WDR49: variants seen among roughly 807,000 people sequenced by gnomAD.
WDR49 encodes the protein cilia- and flagella-associated protein 337.
Under a neutral mutation model 119.5 loss-of-function variants are expected in WDR49, and 107 were observed. The observed-to-expected ratio is 0.90, with a 90% CI of 0.77 to 1.05. The LOEUF (loss-of-function observed/expected upper bound fraction) is 1.05, where lower values mean the gene tolerates loss of function less well. WDR49 is among the 50% of genes least tolerant of loss of function. The pLI is 0.00. For synonymous variants in WDR49, 425 were observed against 418.8 expected (o/e 1.01, Z -0.18); for missense variants, 1,240 against 1,220.5 (o/e 1.02, Z -0.24).
intron 7 of WDR49, among the ~76,000 whole-genome samples, chr3:167,580,615 T>C (rs1447232570): frequency 1.3e-5 from 2 of 152,214 alleles, no homozygotes; most frequent in African/African-American, 2.4e-5. Flanking sequence ...ATCGCATAGC[T>C]TAGCTTTAAA....
chr3:167,568,570 T>G (rs1425528876), intron 8 of WDR49, among the ~76,000 whole-genome samples: 1 of 152,186 alleles, frequency 6.6e-6, no homozygotes, highest in Non-Finnish European at 1.5e-5. Context: ...CTGGATTCAT[T>G]TATATTGAAA....
At chr3:167,656,519 A>C (rs1414607515), upstream of WDR49, among the ~76,000 whole-genome samples, 3 of 152,204 alleles carry the variant, frequency 2.0e-5, no homozygotes, top group Non-Finnish European at 4.4e-5. Context: ...TAATTATTCT[A>C]AGACAGACAA....
At chr3:167,553,386 T>C (rs540269228) in intron 10 of WDR49, among the ~76,000 whole-genome samples, 1 of 152,184 alleles carries the variant, frequency 6.6e-6, no homozygotes, top group South Asian at 2.1e-4. Context: ...TAGATGTTCC[T>C]TTAAACCACT....
intron 18 of WDR49, among the ~76,000 whole-genome samples, chr3:167,479,877 G>A (rs6795546): frequency 0.011 from 1,670 of 152,090 alleles, 33 homozygotes; most frequent in African/African-American, 0.036. Flanking sequence ...CATGGAGGTG[G>A]GGAAGAATTG....
At chr3:167,571,229 G>C (rs1713919763) in intron 8 of WDR49, among the ~76,000 whole-genome samples, 2 of 152,104 alleles carry the variant, frequency 1.3e-5, no homozygotes, top group Admixed American at 6.6e-5. Context: ...ATTCAAATTT[G>C]CAAAGCCAGC....
chr3:167,620,350 G>A, intron 5 of WDR49, 79 bp downstream of exon 5: 2 of 1,376,914 alleles, frequency 1.5e-6, no homozygotes, highest in Non-Finnish European at 1.9e-6. Flanking sequence ...AAGGTTTTGT[G>A]TGAAGCATTT....
chr3:167,602,286 T>A lies in WDR49; in HGVS notation c.1127-11A>T, dbSNP rs1490065576. On this transcript the variant is annotated splice_polypyrimidine_tract_variant and intron_variant, in intron 6 of 18. Coordinates refer to ENST00000682715, the MANE Select transcript of WDR49 (RefSeq NM_001366157.1). ...TAATGCCAGCAGTTGCTAATCAGAA[T>A]TAGAAAGAAAAAAAATGTTTTTAAT... The A allele has an allele frequency of 3.9e-6, 6 of 1,546,422 alleles. No individual in the cohort carries two copies. The Admixed American group carries it at 5.6e-5, about 14-fold the overall frequency.
intron 8 of WDR49, among the ~76,000 whole-genome samples, chr3:167,572,568 G>GA (rs1713999163): frequency 2.0e-5 from 3 of 152,290 alleles, no homozygotes; most frequent in East Asian, 3.9e-4. Flanking sequence ...CACTTGGGAT[G>GA]AAAAATGGCA....
chr3:167,583,498 C>A (rs1261315609), intron 7 of WDR49, among the ~76,000 whole-genome samples: 1 of 151,930 alleles, frequency 6.6e-6, no homozygotes, highest in Non-Finnish European at 1.5e-5. Flanking sequence ...AGCTTGAGAC[C>A]AGCCTGGACA....
In WDR49 at chr3:167,620,045, A is replaced by G. The variant is rs561618377; in HGVS notation, c.958+384T>C. Among the ~76,000 whole-genome samples, 11 of 152,272 alleles carry G rather than the reference A, an allele frequency of 7.2e-5. No homozygotes were observed. In the South Asian group the frequency reaches 2.3e-3, roughly 32 times the overall value. On this transcript the variant is annotated intron_variant, in intron 5 of 18. Transcript: ENST00000682715. ...ACTAATATGCTTCCCATGAGAACAT[A>G]AGGAAAACAAAGGAATGGTTCTGAG...
At chr3:167,567,300 T>G (rs1237085441) in intron 8 of WDR49, among the ~76,000 whole-genome samples, 1 of 152,194 alleles carries the variant, frequency 6.6e-6, no homozygotes, top group African/African-American at 2.4e-5. Context: ...CTTCATCAAG[T>G]CATCTTCTGT....
chr3:167,517,946 C>T (rs1206514982), intron 16 of WDR49, among the ~76,000 whole-genome samples: 1 of 151,650 alleles, frequency 6.6e-6, no homozygotes, highest in Non-Finnish European at 1.5e-5. Flanking sequence ...CATGTGTTCT[C>T]ATTCTTCAAT....
intron 18 of WDR49, among the ~76,000 whole-genome samples, chr3:167,498,385 C>T (rs185352496): frequency 6.6e-6 from 1 of 151,912 alleles, no homozygotes; most frequent in African/African-American, 2.4e-5. Flanking sequence ...CAAAGAAGGG[C>T]CTGAGGGTTG....
chr3:167,518,615 T>C (rs1280924024), intron 16 of WDR49, among the ~76,000 whole-genome samples: 1 of 151,728 alleles, frequency 6.6e-6, no homozygotes, highest in Non-Finnish European at 1.5e-5. Flanking sequence ...TTTGAGTTCA[T>C]TGTAGATTCT....
chr3:167,531,540 T>C (rs1752853826), intron 12 of WDR49, among the ~76,000 whole-genome samples: 1 of 152,162 alleles, frequency 6.6e-6, no homozygotes, highest in South Asian at 2.1e-4. Flanking sequence ...GAACTTAATA[T>C]TGGCATCAAT....
At chr3:167,536,288 A>T (rs1324982876) in intron 11 of WDR49, among the ~76,000 whole-genome samples, 1 of 152,150 alleles carries the variant, frequency 6.6e-6, no homozygotes, top group Admixed American at 6.5e-5. Flanking sequence ...AATTACCATG[A>T]TCTGATCATT....
Position 167,506,761 on chromosome 3 carries a change from C to A in WDR49, c.2775-1345G>T, listed in dbSNP as rs143741523. 4.8e-3 allele frequency among the ~76,000 whole-genome samples: 732 copies of A among 152,228 alleles called. 2 individuals carry two copies. Among genetic ancestry groups the A allele is most frequent in the African/African-American group, 0.017 (689 of 41,532 alleles). On this transcript the variant is annotated intron_variant, in intron 16 of 18. Transcript: ENST00000682715. The stretch of plus-strand genomic sequence containing the variant: ...TTTTCTTAATGTGATTTTTCTGTAA[C>A]GTCAACATTATATTTTGTTGTCTAA...
intron 2 of WDR49, among the ~76,000 whole-genome samples, chr3:167,648,389 A>C (rs1450366348): frequency 6.6e-6 from 1 of 152,238 alleles, no homozygotes; most frequent in Non-Finnish European, 1.5e-5. Flanking sequence ...TAAAAGAACA[A>C]GAATTATATA....
intron 3 of WDR49, among the ~76,000 whole-genome samples, chr3:167,626,445 T>A (rs1227130026): frequency 8.6e-5 from 13 of 152,022 alleles, no homozygotes; most frequent in Admixed American, 8.5e-4. Flanking sequence ...TATGAAGATG[T>A]TTAGACTGAG....
Sources: allele counts gnomAD v4.1 joint callset (sites outside exome capture counted in the v4.1 genomes callset), GRCh38; gene constraint gnomAD v4.1.1; transcripts MANE v1.5; gene names NCBI Gene and HGNC (gene_info 2026-07-23, HGNC 2026-07-21).